FAT3: variants seen among roughly 807,000 people sequenced by gnomAD.
FAT3 encodes FAT atypical cadherin 3.
A neutral mutation model predicts 310.2 loss-of-function variants in FAT3; 95 were observed. That is an observed-to-expected ratio of 0.31 (90% CI 0.26 to 0.36). FAT3 has a LOEUF of 0.36. Ranked by LOEUF, FAT3 falls within the 10% of genes least tolerant of loss-of-function variation. FAT3 has a pLI of 1.00. For missense variants in FAT3, 5,408 were observed against 5,715.6 expected, an observed-to-expected ratio of 0.95 and a Z score of 1.74; for synonymous variants, 2,314 against 2,192.9, an observed-to-expected ratio of 1.06 and a Z score of -1.54.
intron 2 of FAT3, among the ~76,000 whole-genome samples, chr11:92,483,451 T>C (rs1952291654): frequency 6.6e-6 from 1 of 152,134 alleles, no homozygotes; most frequent in Admixed American, 6.6e-5. Flanking sequence ...TTCTACTGCC[T>C]CAGCCTCCTG....
intron 3 of FAT3, among the ~76,000 whole-genome samples, chr11:92,596,287 T>C (rs757901761): frequency 3.9e-5 from 6 of 152,130 alleles, no homozygotes; most frequent in Non-Finnish European, 8.8e-5. Flanking sequence ...AGAATTTCTA[T>C]ATAGGATGAG....
chr11:92,336,411 C>T (rs913347473), intron 1 of FAT3: 4 of 336,448 alleles, frequency 1.2e-5, no homozygotes, highest in South Asian at 2.6e-5. Context: ...GCTGGATTCC[C>T]AGCGGAGGTG....
intron 3 of FAT3, among the ~76,000 whole-genome samples, chr11:92,676,107 G>A (rs537394432): frequency 2.0e-5 from 3 of 152,200 alleles, no homozygotes; most frequent in South Asian, 2.1e-4. Flanking sequence ...TTAAAGCAGC[G>A]AGCAGCAAAT....
At chr11:92,888,081 A>G (rs989578352) in intron 25 of FAT3, among the ~76,000 whole-genome samples, 3 of 152,220 alleles carry the variant, frequency 2.0e-5, no homozygotes, top group African/African-American at 4.8e-5. Flanking sequence ...TTCAAGGCAA[A>G]TACAGAAACA....
intron 2 of FAT3, among the ~76,000 whole-genome samples, chr11:92,481,811 C>T (rs538598198): frequency 5.9e-5 from 9 of 152,192 alleles, no homozygotes; most frequent in Non-Finnish European, 1.2e-4. Flanking sequence ...AAAGACTATT[C>T]GGAATAAGTT....
intron 3 of FAT3, among the ~76,000 whole-genome samples, chr11:92,610,164 G>C (rs1325468688): frequency 6.6e-6 from 1 of 152,126 alleles, no homozygotes; most frequent in African/African-American, 2.4e-5. Flanking sequence ...TGAATTAAAT[G>C]ATTAAACTAA....
At chr11:92,435,416 T>C (rs977113463) in intron 2 of FAT3, among the ~76,000 whole-genome samples, 2 of 152,070 alleles carry the variant, frequency 1.3e-5, no homozygotes, top group Admixed American at 6.5e-5. Context: ...TTAAAGACTT[T>C]ATTCATTAGG....
At chr11:92,319,908 A>T (rs1042525401) in intron 1 of FAT3, among the ~76,000 whole-genome samples, 2 of 152,220 alleles carry the variant, frequency 1.3e-5, no homozygotes, top group Admixed American at 1.3e-4. Flanking sequence ...TGAGGAAGAC[A>T]GAGGGAGTTT....
chr11:92,737,878 A>T (rs1041680470), intron 4 of FAT3, among the ~76,000 whole-genome samples: 1 of 152,070 alleles, frequency 6.6e-6, no homozygotes, highest in African/African-American at 2.4e-5. Context: ...CCTCCCTGCC[A>T]TCCTTGGAAT....
chr11:92,436,853 A>T (rs1950950903), intron 2 of FAT3, among the ~76,000 whole-genome samples: 1 of 152,182 alleles, frequency 6.6e-6, no homozygotes, highest in Admixed American at 6.5e-5. Context: ...CGTGTTGCAC[A>T]GCAGCCCCAG....
rs1038256839 is a variant in FAT3, at chr11:92,892,251, G to A, written c.*1138G>A. Reference sequence around the variant, plus strand: ...AAGGCTGCTCTTGAGGAAAGCTAATGTGAAGGTTTTGGGAAATGGACCATG... The same window carrying A: ...AAGGCTGCTCTTGAGGAAAGCTAATATGAAGGTTTTGGGAAATGGACCATG... On this transcript the variant is annotated 3_prime_UTR_variant, in exon 28 of 28. Coordinates refer to ENST00000525166, the MANE Select transcript of FAT3 (RefSeq NM_001367949.2). 6.6e-6 allele frequency: 1 copy of A among 152,166 alleles called. No individual in the cohort carries two copies. The highest frequency in any genetic ancestry group is 1.5e-5 in the Non-Finnish European group (1 of 68,034). The allele number at this position is 152,166 out of a possible 1,614,324, so 9.4% of individuals were successfully genotyped here.
chr11:92,628,896 G>A (rs545984861), intron 3 of FAT3, among the ~76,000 whole-genome samples: 201 of 151,996 alleles, frequency 1.3e-3, no homozygotes, highest in African/African-American at 4.5e-3. Flanking sequence ...GTGCACTCAT[G>A]CACACACACA....
chr11:92,485,679 A>T (rs964522228), intron 2 of FAT3, among the ~76,000 whole-genome samples: 4 of 152,328 alleles, frequency 2.6e-5, no homozygotes, highest in Non-Finnish European at 4.4e-5. Context: ...TACAGTTACA[A>T]ATTCATATAC....
At chr11:92,735,557 CATAG>C (rs35680919) in intron 4 of FAT3, among the ~76,000 whole-genome samples, 46,245 of 148,644 alleles carry the variant, frequency 0.31, 7,289 homozygotes, top group East Asian at 0.44. Flanking sequence ...GATGGATGAG[CATAG>C]ATAGATAGAT....
chr11:92,413,009 G>A (rs1950330058), intron 2 of FAT3, among the ~76,000 whole-genome samples: 1 of 151,622 alleles, frequency 6.6e-6, no homozygotes, highest in Non-Finnish European at 1.5e-5. Flanking sequence ...CTGTGGGTTT[G>A]GACAAATGTA....
At chr11:92,461,171 T>A (rs1233282107) in intron 2 of FAT3, among the ~76,000 whole-genome samples, 1 of 152,236 alleles carries the variant, frequency 6.6e-6, no homozygotes, top group African/African-American at 2.4e-5. Context: ...GGGCAACCAC[T>A]TAAACTTTAT....
At chr11:92,435,282 G>A (rs527348044) in intron 2 of FAT3, among the ~76,000 whole-genome samples, 2 of 152,142 alleles carry the variant, frequency 1.3e-5, no homozygotes, top group East Asian at 1.9e-4. Context: ...CTCAGGGTAT[G>A]CTTAAGCTAT....
At chr11:92,762,911 A>T (rs574575210) in intron 5 of FAT3, among the ~76,000 whole-genome samples, 1 of 152,040 alleles carries the variant, frequency 6.6e-6, no homozygotes, top group East Asian at 1.9e-4. Context: ...TAATCCCAGC[A>T]CTTTGGGAGG....
chr11:92,756,942 T>A (rs1338825915), intron 4 of FAT3, among the ~76,000 whole-genome samples: 4 of 147,368 alleles, frequency 2.7e-5, no homozygotes, highest in Non-Finnish European at 6.0e-5. Flanking sequence ...TTTTTTTTTT[T>A]AGACAGAGGT....
Sources: gnomAD v4.1 joint callset for allele counts (sites outside exome capture counted in the v4.1 genomes callset) on GRCh38, gnomAD v4.1.1 for gene constraint, MANE v1.5 for transcripts, NCBI Gene and HGNC (gene_info 2026-07-23, HGNC 2026-07-21) for gene names.